The following SLCO2A1 variants were observed in gnomAD, a reference collection of about 807,000 sequenced individuals.
SLCO2A1 encodes the protein matrin F/G 1.
A neutral mutation model predicts 71.7 loss-of-function variants in SLCO2A1; 60 were observed. That is an observed-to-expected ratio of 0.84 (90% CI 0.68 to 1.04). The LOEUF (loss-of-function observed/expected upper bound fraction) is 1.04. SLCO2A1 is among the 50% of genes least tolerant of loss of function. The probability of loss-of-function intolerance (pLI) is 0.00; values close to 1 mark genes in which losing one functional copy is unlikely to be tolerated. For missense variants in SLCO2A1, 745 were observed against 813.4 expected (o/e 0.92, Z 1.02); for synonymous variants, 308 against 326.7 (o/e 0.94, Z 0.62).
chr3:133,938,423 A>G lies in SLCO2A1; in HGVS notation c.1690+6T>C, dbSNP rs774522730. ...CTTCTTGGGAAGAGGGGTCTTAGAC[A>G]CTTACCCAGCAAGCGCATCAACAAG... is the stretch of plus-strand genomic sequence containing the variant. On this transcript the variant is annotated splice_donor_region_variant and intron_variant, in intron 12 of 13. Transcript: ENST00000310926. The G allele has an allele frequency of 4.6e-5, 74 of 1,613,742 alleles. No homozygotes were observed. The highest frequency in any genetic ancestry group is 5.8e-5 in the Non-Finnish European group (69 of 1,179,800).
intron 1 of SLCO2A1, among the ~76,000 whole-genome samples, chr3:134,018,619 T>A (rs2108078048): frequency 6.6e-6 from 1 of 152,252 alleles, no homozygotes; most frequent in East Asian, 1.9e-4. Context: ...TCTGGGTGTG[T>A]GATTTCCTGA....
chr3:134,025,862 CA>C (rs1432060538), intron 1 of SLCO2A1, among the ~76,000 whole-genome samples: 1 of 152,190 alleles, frequency 6.6e-6, no homozygotes, highest in Admixed American at 6.5e-5. Context: ...GAGAAGTTTA[CA>C]AACGCTCTCC....
At chr3:133,990,727 G>A (rs1934822318) in intron 1 of SLCO2A1, among the ~76,000 whole-genome samples, 1 of 152,136 alleles carries the variant, frequency 6.6e-6, no homozygotes, top group Non-Finnish European at 1.5e-5. Context: ...CCTCACCTGG[G>A]AGGTGAGGCT....
chr3:133,982,801 C>A (rs1336911315), intron 1 of SLCO2A1, among the ~76,000 whole-genome samples: 1 of 152,072 alleles, frequency 6.6e-6, no homozygotes, highest in East Asian at 1.9e-4. Context: ...CACCACACCA[C>A]CCCAGGGGGA....
intron 3 of SLCO2A1, among the ~76,000 whole-genome samples, chr3:133,963,914 T>C (rs751737855): frequency 3.2e-4 from 49 of 152,334 alleles, no homozygotes; most frequent in Non-Finnish European, 5.7e-4. Flanking sequence ...TGTCCCAAAC[T>C]CACTCATGAT....
intron 1 of SLCO2A1, among the ~76,000 whole-genome samples, chr3:133,982,881 TA>T (rs1402743384): frequency 4.6e-5 from 7 of 152,086 alleles, no homozygotes. Context: ...CCATTTTCTA[TA>T]AGGTAAAAAC....
intron 10 of SLCO2A1, among the ~76,000 whole-genome samples, chr3:133,943,959 T>G (rs1464405816): frequency 6.6e-6 from 1 of 152,206 alleles, no homozygotes; most frequent in Non-Finnish European, 1.5e-5. Context: ...AACTGCACAG[T>G]CTTCTCATTG....
chr3:134,012,916 G>C (rs1201182552), intron 1 of SLCO2A1, among the ~76,000 whole-genome samples: 7 of 152,228 alleles, frequency 4.6e-5, no homozygotes, highest in African/African-American at 1.4e-4. Flanking sequence ...AGGCAGTGAG[G>C]TGACCAACTC....
chr3:133,944,737 C>T lies in SLCO2A1; in HGVS notation c.1461+358G>A, dbSNP rs547132843. On this transcript the variant is annotated intron_variant, in intron 10 of 13. Coordinates refer to ENST00000310926, the MANE Select transcript of SLCO2A1 (RefSeq NM_005630.3). The stretch of plus-strand genomic sequence containing the variant: ...TAATGCCCTCGATTTATCTGGGCCA[C>T]GGCCAGCCTGCAGGACCCAGAGATG... Among the ~76,000 whole-genome samples the T allele has an allele frequency of 2.2e-4, 34 of 152,332 alleles. No homozygotes were observed. The South Asian group carries it at 3.9e-3, about 18-fold the overall frequency.
chr3:133,940,360 G>A (rs1933387053), intron 11 of SLCO2A1, among the ~76,000 whole-genome samples: 1 of 152,146 alleles, frequency 6.6e-6, no homozygotes, highest in Non-Finnish European at 1.5e-5. Context: ...ATCGTTGTGG[G>A]ATCCTGGGGC....
At chr3:133,997,271 T>C (rs1382251655) in intron 1 of SLCO2A1, among the ~76,000 whole-genome samples, 3 of 152,196 alleles carry the variant, frequency 2.0e-5, no homozygotes, top group Admixed American at 1.3e-4. Context: ...AGCAAAATGC[T>C]GAGGACATTC....
chr3:133,980,051 A>G (rs1419652874), intron 1 of SLCO2A1, among the ~76,000 whole-genome samples: 2 of 152,038 alleles, frequency 1.3e-5, no homozygotes, highest in African/African-American at 2.4e-5. Flanking sequence ...TCCAATTCAG[A>G]CCACTCTTGG....
intron 1 of SLCO2A1, among the ~76,000 whole-genome samples, chr3:134,024,006 C>T (rs961021991): frequency 2.0e-5 from 3 of 152,252 alleles, no homozygotes; most frequent in Non-Finnish European, 4.4e-5. Context: ...CTTCATGTCT[C>T]TCATGACAGG....
intron 1 of SLCO2A1, among the ~76,000 whole-genome samples, chr3:134,008,913 G>A (rs1317009399): frequency 6.6e-6 from 1 of 152,178 alleles, no homozygotes; most frequent in Non-Finnish European, 1.5e-5. Context: ...ACAACAGATG[G>A]AAAAATGCAG....
rs1934383755 is a variant in SLCO2A1, at chr3:133,973,713, G to T, written c.347C>A (p.Thr116Asn). 6.2e-7 allele frequency: 1 copy of T among 1,614,064 alleles called. No homozygotes were observed. The highest frequency in any genetic ancestry group is 1.3e-5 in the African/African-American group (1 of 74,932). Reference sequence around the variant, plus strand: ...GGGCTCGGAGAGGAAGTGTGGGAGGGTGAGGATGAAGGCACCTGCAGCCAG... The same window carrying T: ...GGGCTCGGAGAGGAAGTGTGGGAGGTTGAGGATGAAGGCACCTGCAGCCAG... ...LFLAAGAFIL[T>N]LPHFLSEPYQ... The change falls in exon 3 of 14, where the codon ACC (threonine) becomes AAC (asparagine). Residue 116 changes from threonine to asparagine, a missense_variant. Physicochemically the swap from Thr to Asn is moderately conservative, Grantham distance 65. Transcript: ENST00000310926.
intron 11 of SLCO2A1, among the ~76,000 whole-genome samples, chr3:133,940,664 G>A (rs191250207): frequency 6.7e-4 from 102 of 152,306 alleles, no homozygotes; most frequent in African/African-American, 2.3e-3. Flanking sequence ...AGGGAAGCCC[G>A]CTGAAGAGTC....
rs1024437412 is a variant in SLCO2A1, at chr3:134,004,328, G to GT, written c.97-24711dup. 4.6e-5 allele frequency among the ~76,000 whole-genome samples: 7 copies of GT among 152,096 alleles called. No individual in the cohort carries two copies. The East Asian group carries it at 7.7e-4, about 17-fold the overall frequency. Reference sequence around the variant, plus strand: ...GGGTGGTCTTAAATTAATCACAAGAGTTTTTTTTGTTTTGTTTTTGTTTTA... The same window carrying GT: ...GGGTGGTCTTAAATTAATCACAAGAGTTTTTTTTTGTTTTGTTTTTGTTTTA... On this transcript the variant is annotated intron_variant, in intron 1 of 13. Transcript: ENST00000310926.
At chr3:134,020,303 TGAG>T (rs1256992959) in intron 1 of SLCO2A1, among the ~76,000 whole-genome samples, 7 of 152,212 alleles carry the variant, frequency 4.6e-5, no homozygotes, top group Non-Finnish European at 1.0e-4. Context: ...ACTCGGTGTC[TGAG>T]GAGTTTTGTC....
At chr3:133,985,211 T>A (rs1443520699) in intron 1 of SLCO2A1, among the ~76,000 whole-genome samples, 1 of 152,220 alleles carries the variant, frequency 6.6e-6, no homozygotes, top group African/African-American at 2.4e-5. Context: ...GAAAACAAAT[T>A]GGAAAACATA....
Sources: allele counts gnomAD v4.1 joint callset (sites outside exome capture counted in the v4.1 genomes callset), GRCh38; gene constraint gnomAD v4.1.1; transcripts MANE v1.5; gene names NCBI Gene and HGNC (gene_info 2026-07-23, HGNC 2026-07-21).